The following VNN2 variants were observed in gnomAD, a reference collection of about 807,000 sequenced individuals.
The protein encoded by VNN2 is vanin 2.
A neutral mutation model predicts 43.0 loss-of-function variants in VNN2; 43 were observed. The observed-to-expected ratio is 1.00, with a 90% CI of 0.78 to 1.29. The LOEUF (loss-of-function observed/expected upper bound fraction) is 1.29, where lower values mean the gene tolerates loss of function less well. Ranked by LOEUF, VNN2 falls within the 50% of genes most tolerant of loss-of-function variation. The pLI is 0.00. For synonymous variants in VNN2, 230 were observed against 224.3 expected (o/e 1.03, Z -0.23); for missense variants, 652 against 619.7 (o/e 1.05, Z -0.55).
chr6:132,758,055 T>TA, upstream of VNN2: 1 of 543,580 alleles, frequency 1.8e-6, no homozygotes, highest in East Asian at 3.2e-5. Context: ...TTTTTTTTTT[T>TA]TTTTTTTTGA....
intron 6 of VNN2, among the ~76,000 whole-genome samples, chr6:132,746,681 C>T (rs1779737775): frequency 6.6e-6 from 1 of 152,096 alleles, no homozygotes; most frequent in Admixed American, 6.6e-5. Flanking sequence ...ATGCCCAACT[C>T]CTTTTGTTTT....
At chr6:132,760,874 C>G (rs1377059938), upstream of VNN2, 1 of 152,102 alleles carries the variant, frequency 6.6e-6, no homozygotes, top group East Asian at 1.9e-4. Context: ...AAGGGAAAAT[C>G]ACTTCTGATA....
chr6:132,752,085 G>A (rs113697477), intron 4 of VNN2, among the ~76,000 whole-genome samples: 6 of 152,102 alleles, frequency 3.9e-5, no homozygotes, highest in African/African-American at 1.4e-4. Flanking sequence ...GCCATGTCAC[G>A]AGGATATGCC....
chr6:132,753,504 C>G, intron 3 of VNN2: 1 of 454,374 alleles, frequency 2.2e-6, no homozygotes, highest in Non-Finnish European at 4.4e-6. Flanking sequence ...TTCAAAATTA[C>G]CATAGAAATG....
At chr6:132,749,648 T>C in intron 6 of VNN2, 47 bp downstream of exon 6, 4 of 1,542,016 alleles carry the variant, frequency 2.6e-6, no homozygotes, top group South Asian at 2.4e-5. Flanking sequence ...TTTACTTGAC[T>C]TCAGAGAACA....
chr6:132,751,380 G>A lies in VNN2; in HGVS notation c.965C>T (p.Ala322Val), dbSNP rs1266476099. The A allele has an allele frequency of 6.2e-7, 1 of 1,614,186 alleles. No homozygotes were observed. Among genetic ancestry groups the A allele is most frequent in the Admixed American group, 1.7e-5 (1 of 60,026 alleles). Residue 322 changes from alanine (A) to valine (V), a missense_variant, in exon 5 of 7, where the codon GCC (alanine) becomes GTC (valine). By Grantham distance (64) the Ala-to-Val change is moderately conservative (BLOSUM62 0). Transcript: ENST00000326499. ...AAATGGTTTGATGGTGGTGGCGTAG[G>A]CATTCCAATTAACAGCTGTTGGGTA... ...LAYPTAVNWN[A>V]YATTIKPFPV...
At chr6:132,755,222 C>A (rs933229037) in intron 3 of VNN2, among the ~76,000 whole-genome samples, 3 of 149,508 alleles carry the variant, frequency 2.0e-5, no homozygotes, top group Non-Finnish European at 4.4e-5. Context: ...ACCTTAGTAT[C>A]TTTTTTTATG....
At chr6:132,762,499 A>T (rs1582845437), upstream of VNN2, among the ~76,000 whole-genome samples, 2 of 152,326 alleles carry the variant, frequency 1.3e-5, no homozygotes, top group Non-Finnish European at 2.9e-5. Context: ...TGGCAAAGAA[A>T]AACGTTTCTG....
Position 132,757,680 on chromosome 6 carries a change from T to C in VNN2, c.204A>G (p.Ala68=). ...AGAAATAAGAGAATACCTGCTCAGC[T>C]GCCTGCTTGATCGCTGTCTCCAGAA... ...IDILETAIKQ[A]AEQGARIIVT... is the part of the protein sequence containing the mutation. Residue 68 remains alanine, a synonymous_variant, in exon 1 of 7, where the codon GCA becomes GCG. Coordinates refer to ENST00000326499, the MANE Select transcript of VNN2 (RefSeq NM_004665.6). 1 of 1,614,080 alleles carries C rather than the reference T, an allele frequency of 6.2e-7. No homozygotes were observed. Among genetic ancestry groups the C allele is most frequent in the South Asian group, 1.1e-5 (1 of 91,090 alleles).
chr6:132,753,002 T>G, intron 3 of VNN2: 1 of 392,280 alleles, frequency 2.5e-6, no homozygotes, highest in Non-Finnish European at 4.6e-6. Flanking sequence ...AAGAGCCAAA[T>G]ACCCCCCCAT....
chr6:132,762,018 T>A (rs187348962), upstream of VNN2, among the ~76,000 whole-genome samples: 90 of 152,334 alleles, frequency 5.9e-4, 1 homozygote, highest in Middle Eastern at 3.4e-3. Flanking sequence ...TATTTCATTG[T>A]TAGGCCCACA....
upstream of VNN2, among the ~76,000 whole-genome samples, chr6:132,760,165 G>T (rs1207087757): frequency 1.3e-5 from 2 of 151,860 alleles, no homozygotes; most frequent in Non-Finnish European, 2.9e-5. Context: ...GTCTTTTGGG[G>T]TTTTTTTGTT....
At chr6:132,750,136 G>C (rs756780109) in intron 5 of VNN2, among the ~76,000 whole-genome samples, 1 of 152,208 alleles carries the variant, frequency 6.6e-6, no homozygotes, top group East Asian at 1.9e-4. Context: ...TGATGGCATC[G>C]AGCTCAATGA....
At chr6:132,760,970 A>G (rs1229028544), upstream of VNN2, among the ~76,000 whole-genome samples, 8 of 152,216 alleles carry the variant, frequency 5.3e-5, no homozygotes, top group African/African-American at 1.9e-4. Flanking sequence ...AATTTGAGTA[A>G]CAAAGGTAAT....
At position 132,751,193 on chromosome 6, in the gene VNN2, T is replaced by C. The variant is rs1231406375; in HGVS notation, c.1152A>G (p.Leu384=). Residue 384 remains leucine (L), a synonymous_variant, in exon 5 of 7, where the codon CTA becomes CTG. Transcript: ENST00000326499. ...LQKEENEVYV[L]GAFTGLHGRR... Reference sequence around the variant, plus strand: ...GGCCATGTAATCCTGTAAAAGCTCCTAGAACGTATACTTCATTCTCTTCTT... The same window carrying C: ...GGCCATGTAATCCTGTAAAAGCTCCCAGAACGTATACTTCATTCTCTTCTT... 20 of 1,613,776 alleles carry C rather than the reference T, an allele frequency of 1.2e-5. No individual in the cohort carries two copies. Among genetic ancestry groups the C allele is most frequent in the Non-Finnish European group, 1.7e-5 (20 of 1,179,900 alleles).
chr6:132,750,008 C>A lies in VNN2; in HGVS notation c.1201-143G>T, dbSNP rs1346497271. 4.0e-6 allele frequency: 3 copies of A among 759,338 alleles called. No individual in the cohort carries two copies. The African/African-American group carries it at 5.4e-5, about 14-fold the overall frequency. 47.0% of individuals were successfully genotyped at this position (759,338 alleles called of 1,614,324 possible). ...TTTGGATCATGTGTCTTATAATTAA[C>A]TGCTTTATTAAAAATGGCCAGTGAC... On this transcript the variant is annotated intron_variant, in intron 5 of 6. Transcript: ENST00000326499.
At position 132,749,881 on chromosome 6, in the gene VNN2, G is replaced by A. The variant is rs764655557; in HGVS notation, c.1201-16C>T. 14 of 1,604,010 alleles carry A rather than the reference G, an allele frequency of 8.7e-6. No homozygotes were observed. Among genetic ancestry groups the A allele is most frequent in the Middle Eastern group, 1.7e-4 (1 of 6,028 alleles). On this transcript the variant is annotated splice_polypyrimidine_tract_variant and intron_variant, in intron 5 of 6. Coordinates refer to ENST00000326499, the MANE Select transcript of VNN2 (RefSeq NM_004665.6). The stretch of plus-strand genomic sequence containing the variant: ...GTGTGCAGACCTATGTGGAACAAAC[G>A]CAGATAAAACGCAATGCCTTACATT...
At chr6:132,744,739 C>A (rs1482254591) in intron 6 of VNN2, among the ~76,000 whole-genome samples, 2 of 152,152 alleles carry the variant, frequency 1.3e-5, no homozygotes, top group Non-Finnish European at 2.9e-5. Flanking sequence ...AAATCAGCAG[C>A]AGCAATTCAT....
chr6:132,752,520 A>G lies in VNN2; in HGVS notation c.767T>C (p.Met256Thr), dbSNP rs1450587394. Residue 256 changes from methionine to threonine, a missense_variant, in exon 4 of 7, where the codon ATG becomes ACG. By Grantham distance (81) the Met-to-Thr change is moderately conservative. Transcript: ENST00000326499. ...TAIEFHSAWA[M>T]GMGVNLLVAN... Reference sequence around the variant, plus strand: ...CACAAGAAGATTAACTCCCATTCCCATTGCCCAAGCTGAATGGAATTCAAT... The same window carrying G: ...CACAAGAAGATTAACTCCCATTCCCGTTGCCCAAGCTGAATGGAATTCAAT... 1.2e-6 allele frequency: 2 copies of G among 1,614,018 alleles called. No homozygotes were observed. The highest frequency in any genetic ancestry group is 2.7e-5 in the African/African-American group (2 of 74,924).
Sources: allele counts gnomAD v4.1 joint callset (sites outside exome capture counted in the v4.1 genomes callset), GRCh38; gene constraint gnomAD v4.1.1; transcripts MANE v1.5; gene names NCBI Gene and HGNC (gene_info 2026-07-23, HGNC 2026-07-21).